KCTD16: variants seen among roughly 807,000 people sequenced by gnomAD.
KCTD16 encodes potassium channel tetramerization domain containing 16.
A neutral mutation model predicts 33.2 loss-of-function variants in KCTD16; 13 were observed. That is an observed-to-expected ratio of 0.39 (90% CI 0.25 to 0.62). The LOEUF (loss-of-function observed/expected upper bound fraction) is 0.62, where lower values mean the gene tolerates loss of function less well. Among genes scored for constraint, KCTD16 ranks in the 20% least tolerant of loss-of-function variants. KCTD16 has a pLI of 0.50. For synonymous variants in KCTD16, 197 were observed against 195.3 expected, an observed-to-expected ratio of 1.01 and a Z score of -0.07; for missense variants, 441 against 525.1, an observed-to-expected ratio of 0.84 and a Z score of 1.57.
intron 3 of KCTD16, among the ~76,000 whole-genome samples, chr5:144,249,772 C>A (rs1252387774): frequency 3.9e-5 from 6 of 152,076 alleles, no homozygotes; most frequent in Admixed American, 3.3e-4. Flanking sequence ...TTACTAGAAC[C>A]AGATAACTTT....
intron 2 of KCTD16, among the ~76,000 whole-genome samples, chr5:144,204,997 G>T (rs991101503): frequency 6.6e-6 from 1 of 151,704 alleles, no homozygotes; most frequent in Non-Finnish European, 1.5e-5. Flanking sequence ...TGAACGAGGA[G>T]GGGGGAGGGG....
Position 144,220,940 on chromosome 5 carries a change from C to CAA in KCTD16, c.832+13405_832+13406dup, listed in dbSNP as rs748978902. ...TGGGCGACAGAGCGAGACTACGTCTCAAAAAAAAAAAAGAAGAAGAAATGA... is the reference window on the plus strand; with the variant it reads ...TGGGCGACAGAGCGAGACTACGTCTCAAAAAAAAAAAAAAGAAGAAGAAATGA... On this transcript the variant is annotated intron_variant, in intron 3 of 3. Coordinates refer to ENST00000512467, the MANE Select transcript of KCTD16 (RefSeq NM_020768.4). Among the ~76,000 whole-genome samples the CAA allele has an allele frequency of 3.8e-3, 379 of 99,586 alleles. 5 individuals carry two copies. Among genetic ancestry groups the CAA allele is most frequent in the African/African-American group, 0.013 (355 of 27,262 alleles). The allele number at this position is 99,586 out of a possible 152,430, so 65.3% of individuals were successfully genotyped here.
intron 3 of KCTD16, among the ~76,000 whole-genome samples, chr5:144,302,921 T>C (rs941576609): frequency 6.6e-6 from 1 of 152,216 alleles, no homozygotes; most frequent in African/African-American, 2.4e-5. Flanking sequence ...CTGTAAGCAG[T>C]GGAAAAGAAA....
At chr5:144,235,379 T>G (rs1162587183) in intron 3 of KCTD16, among the ~76,000 whole-genome samples, 2 of 151,922 alleles carry the variant, frequency 1.3e-5, no homozygotes, top group African/African-American at 4.8e-5. Context: ...TTTGAATGAG[T>G]TTGCTGAGCT....
At chr5:144,448,778 T>A (rs1231126680) in intron 3 of KCTD16, among the ~76,000 whole-genome samples, 1 of 152,112 alleles carries the variant, frequency 6.6e-6, no homozygotes, top group Non-Finnish European at 1.5e-5. Context: ...TTTTTCCTAA[T>A]GCTTCCATCC....
At chr5:144,272,840 A>G (rs1308339418) in intron 3 of KCTD16, among the ~76,000 whole-genome samples, 1 of 152,182 alleles carries the variant, frequency 6.6e-6, no homozygotes, top group East Asian at 1.9e-4. Flanking sequence ...CAAAATGGAA[A>G]AAAGATCTAA....
At chr5:144,455,994 T>C (rs1412388952) in intron 3 of KCTD16, among the ~76,000 whole-genome samples, 1 of 152,150 alleles carries the variant, frequency 6.6e-6, no homozygotes, top group Non-Finnish European at 1.5e-5. Flanking sequence ...ACTTAAAAAT[T>C]GTACTTCAAT....
intron 3 of KCTD16, among the ~76,000 whole-genome samples, chr5:144,277,945 G>C (rs1164603956): frequency 2.0e-5 from 3 of 152,124 alleles, no homozygotes; most frequent in Non-Finnish European, 1.5e-5. Context: ...TGTTGGGTAT[G>C]TTATTTGTGG....
chr5:144,313,463 T>A (rs1751824023), intron 3 of KCTD16, among the ~76,000 whole-genome samples: 1 of 152,158 alleles, frequency 6.6e-6, no homozygotes, highest in African/African-American at 2.4e-5. Context: ...TGATTGGACA[T>A]GAAAATACTA....
At chr5:144,470,073 C>T (rs1201062432) in intron 3 of KCTD16, among the ~76,000 whole-genome samples, 1 of 152,022 alleles carries the variant, frequency 6.6e-6, no homozygotes, top group Non-Finnish European at 1.5e-5. Flanking sequence ...ATTATTCCAG[C>T]CAGTATTGAA....
At chr5:144,337,238 A>C (rs1752513448) in intron 3 of KCTD16, among the ~76,000 whole-genome samples, 1 of 152,050 alleles carries the variant, frequency 6.6e-6, no homozygotes, top group Non-Finnish European at 1.5e-5. Context: ...TCCAGGATAC[A>C]CATCGTAGAG....
intron 3 of KCTD16, among the ~76,000 whole-genome samples, chr5:144,409,529 G>T (rs946828289): frequency 6.6e-6 from 1 of 151,894 alleles, no homozygotes; most frequent in African/African-American, 2.4e-5. Context: ...TGCCCTCAAG[G>T]CTCTTATATT....
intron 3 of KCTD16, among the ~76,000 whole-genome samples, chr5:144,243,870 A>T (rs1427105416): frequency 6.6e-6 from 1 of 151,980 alleles, no homozygotes; most frequent in Admixed American, 6.6e-5. Flanking sequence ...CAGCCTCCTG[A>T]GTAGCTGGGA....
chr5:144,350,521 T>A (rs780333819), intron 3 of KCTD16, among the ~76,000 whole-genome samples: 1 of 151,986 alleles, frequency 6.6e-6, no homozygotes, highest in Non-Finnish European at 1.5e-5. Flanking sequence ...AATAGCAGAG[T>A]TTTTAATCCC....
chr5:144,212,091 A>G (rs184705559), intron 3 of KCTD16, among the ~76,000 whole-genome samples: 8 of 152,308 alleles, frequency 5.3e-5, no homozygotes, highest in Non-Finnish European at 8.8e-5. Flanking sequence ...GAAGCTTCTT[A>G]ATTTCTGATG....
intron 3 of KCTD16, among the ~76,000 whole-genome samples, chr5:144,257,304 T>G (rs1179265415): frequency 1.3e-5 from 2 of 152,188 alleles, no homozygotes; most frequent in African/African-American, 4.8e-5. Context: ...AGTTTTTTTG[T>G]AAATGCTCAA....
intron 3 of KCTD16, among the ~76,000 whole-genome samples, chr5:144,353,918 C>T (rs565933467): frequency 3.9e-5 from 6 of 151,986 alleles, no homozygotes; most frequent in African/African-American, 1.4e-4. Context: ...GACAGGTATA[C>T]ATATCTTTTT....
At chr5:144,396,091 C>T (rs1465611576) in intron 3 of KCTD16, among the ~76,000 whole-genome samples, 1 of 152,040 alleles carries the variant, frequency 6.6e-6, no homozygotes, top group East Asian at 1.9e-4. Context: ...GGGTGGATGA[C>T]ATAATGGGGA....
At chr5:144,218,110 A>G (rs923931395) in intron 3 of KCTD16, among the ~76,000 whole-genome samples, 1 of 152,170 alleles carries the variant, frequency 6.6e-6, no homozygotes, top group South Asian at 2.1e-4. Flanking sequence ...TACCTATTGA[A>G]TACCTAAAGT....
Sources: gnomAD v4.1 joint callset for allele counts (sites outside exome capture counted in the v4.1 genomes callset) on GRCh38, gnomAD v4.1.1 for gene constraint, MANE v1.5 for transcripts, NCBI Gene and HGNC (gene_info 2026-07-23, HGNC 2026-07-21) for gene names.